HDAC9: variants seen among roughly 807,000 people sequenced by gnomAD.
The protein encoded by HDAC9 is histone deacetylase 9.
A neutral mutation model predicts 139.4 loss-of-function variants in HDAC9; 41 were observed. The observed-to-expected ratio is 0.29, with a 90% CI of 0.23 to 0.38. The LOEUF is 0.38. Ranked by LOEUF, HDAC9 falls within the 10% of genes least tolerant of loss-of-function variation. The probability of loss-of-function intolerance (pLI) is 1.00; values close to 1 mark genes in which losing one functional copy is unlikely to be tolerated. For synonymous variants in HDAC9, 517 were observed against 476.2 expected (o/e 1.09, Z -1.12); for missense variants, 1,147 against 1,297.0 (o/e 0.88, Z 1.78).
At chr7:18,474,935 A>T (rs1305709706) in intron 1 of HDAC9, among the ~76,000 whole-genome samples, 1 of 152,238 alleles carries the variant, frequency 6.6e-6, no homozygotes, top group Non-Finnish European at 1.5e-5. Flanking sequence ...GACACCTTGT[A>T]TGGATGTTGC....
At chr7:18,624,809 A>G (rs955421995) in intron 6 of HDAC9, among the ~76,000 whole-genome samples, 2 of 151,930 alleles carry the variant, frequency 1.3e-5, no homozygotes, top group African/African-American at 4.8e-5. Context: ...AGTGAGTTTT[A>G]TAGAGCATTG....
chr7:18,574,147 T>A (rs961772642), intron 2 of HDAC9, among the ~76,000 whole-genome samples: 3 of 152,126 alleles, frequency 2.0e-5, no homozygotes, highest in African/African-American at 7.2e-5. Context: ...TCCTGACGAG[T>A]GTCCAGCTCT....
At chr7:18,930,639 C>T (rs1417806120) in intron 22 of HDAC9, among the ~76,000 whole-genome samples, 1 of 152,052 alleles carries the variant, frequency 6.6e-6, no homozygotes, top group Non-Finnish European at 1.5e-5. Context: ...TACTGAATTG[C>T]TTATTTTGAT....
rs76014522 is a variant in HDAC9, at chr7:18,505,196, G to T, written c.22+8872G>T. ...AGCATTCCTGATGCATTTGGCACCT[G>T]TTTGCCAGTGTTCATGATACACAGA... On this transcript the variant is annotated intron_variant, in intron 2 of 25. Transcript: ENST00000686413. Among the ~76,000 whole-genome samples the T allele has an allele frequency of 3.0e-3, 456 of 152,264 alleles. 3 individuals carry two copies. The highest frequency in any genetic ancestry group is 0.01 in the African/African-American group (432 of 41,548).
intron 2 of HDAC9, among the ~76,000 whole-genome samples, chr7:18,189,186 C>A (rs1790144457): frequency 6.6e-6 from 1 of 152,134 alleles, no homozygotes; most frequent in African/African-American, 2.4e-5. Flanking sequence ...AGATCATGTC[C>A]TTTGCAGGGA....
At chr7:18,539,532 C>T (rs1353106364) in intron 2 of HDAC9, among the ~76,000 whole-genome samples, 6 of 152,176 alleles carry the variant, frequency 3.9e-5, no homozygotes, top group South Asian at 2.1e-4. Flanking sequence ...ATTGTACTCA[C>T]GTTAATTTCT....
At chr7:18,202,342 T>A (rs1240706728) in intron 2 of HDAC9, among the ~76,000 whole-genome samples, 1 of 152,218 alleles carries the variant, frequency 6.6e-6, no homozygotes, top group East Asian at 1.9e-4. Flanking sequence ...TACTTACTTA[T>A]GAGAGCCCAG....
Position 18,306,892 on chromosome 7 carries a change from A to G in HDAC9, c.-42+16377A>G, listed in dbSNP as rs565994562. On this transcript the variant is annotated intron_variant, in intron 1 of 3. Transcript: ENST00000413509. ...CTTACTTAAATTCTTTCCATTCTCC[A>G]TGTCTGTTTCCAAACTCCCTCATGC... 2.3e-4 allele frequency among the ~76,000 whole-genome samples: 35 copies of G among 151,974 alleles called. No individual in the cohort carries two copies. In the South Asian group the frequency reaches 6.4e-3, roughly 28 times the overall value.
chr7:18,273,055 C>CTTTTTTTTTTTTTTTTTTTTTTTTT (rs1491175072), intron 2 of HDAC9, among the ~76,000 whole-genome samples: 3 of 68,236 alleles, frequency 4.4e-5, no homozygotes, highest in African/African-American at 6.4e-5. Context: ...TCCCCTTCTT[C>CTTTTTTTTTTTTTTTTTTTTTTTTT]GTTTTTTTTT....
intron 17 of HDAC9, among the ~76,000 whole-genome samples, chr7:18,810,591 G>A (rs1406916426): frequency 2.0e-5 from 3 of 151,812 alleles, no homozygotes; most frequent in Non-Finnish European, 4.4e-5. Context: ...CACACATAAT[G>A]TCTTTTGACA....
intron 1 of HDAC9, among the ~76,000 whole-genome samples, chr7:18,412,636 T>A (rs947635455): frequency 6.6e-6 from 1 of 152,210 alleles, no homozygotes; most frequent in African/African-American, 2.4e-5. Context: ...GGACTCACGC[T>A]CAGTTGTGAT....
chr7:18,725,152 G>A (rs1409096975), intron 12 of HDAC9, among the ~76,000 whole-genome samples: 1 of 151,924 alleles, frequency 6.6e-6, no homozygotes, highest in Non-Finnish European at 1.5e-5. Flanking sequence ...GCTGTTAGGG[G>A]CCCACAAAAC....
chr7:18,971,421 G>C (rs1784236961), intron 24 of HDAC9, among the ~76,000 whole-genome samples: 1 of 152,156 alleles, frequency 6.6e-6, no homozygotes, highest in African/African-American at 2.4e-5. Context: ...AACAGCTCCT[G>C]AAAACCCTAG....
intron 1 of HDAC9, among the ~76,000 whole-genome samples, chr7:18,488,785 G>A (rs1796156744): frequency 6.6e-6 from 1 of 151,860 alleles, no homozygotes; most frequent in Admixed American, 6.6e-5. Context: ...TTAATACTTT[G>A]TTCATTCAAA....
At chr7:18,141,959 A>G (rs1283430448) in intron 1 of HDAC9, among the ~76,000 whole-genome samples, 1 of 152,200 alleles carries the variant, frequency 6.6e-6, no homozygotes, top group Non-Finnish European at 1.5e-5. Context: ...ATACCCTATC[A>G]GTTCATTGAA....
chr7:18,995,890 C>A (rs1267855906), intron 25 of HDAC9, 133 bp from the exon 26 acceptor site: 6 of 616,246 alleles, frequency 9.7e-6, no homozygotes, highest in Non-Finnish European at 1.7e-5. Context: ...GAAAGAAATT[C>A]TATTTATGGA....
intron 12 of HDAC9, among the ~76,000 whole-genome samples, chr7:18,689,289 A>G (rs1304353196): frequency 6.6e-6 from 1 of 151,948 alleles, no homozygotes; most frequent in East Asian, 1.9e-4. Context: ...AAACTAAGAC[A>G]TGGGAGACAG....
At chr7:18,306,035 G>C (rs1241621917) in intron 1 of HDAC9, among the ~76,000 whole-genome samples, 1 of 152,156 alleles carries the variant, frequency 6.6e-6, no homozygotes, top group Non-Finnish European at 1.5e-5. Context: ...TGTTTATTTG[G>C]GAGGAGATCC....
intron 6 of HDAC9, among the ~76,000 whole-genome samples, chr7:18,622,907 G>T (rs1475585913): frequency 4.0e-5 from 6 of 151,752 alleles, no homozygotes; most frequent in Non-Finnish European, 5.9e-5. Flanking sequence ...ACTTTGGGAG[G>T]CCAAGGCAAG....
Sources: allele counts gnomAD v4.1 joint callset (sites outside exome capture counted in the v4.1 genomes callset), GRCh38; gene constraint gnomAD v4.1.1; transcripts MANE v1.5; gene names NCBI Gene and HGNC (gene_info 2026-07-23, HGNC 2026-07-21).